LRRC69: variants seen among roughly 807,000 people sequenced by gnomAD.
The protein encoded by LRRC69 is leucine-rich repeat-containing protein 69.
LRRC69 carries 42 observed loss-of-function variants against 37.8 expected under a neutral mutation model. The observed-to-expected ratio is 1.11, with a 90% confidence interval of 0.87 to 1.44. The LOEUF is 1.44. Among genes scored for constraint, LRRC69 ranks in the 40% most tolerant of loss-of-function variants. The probability of loss-of-function intolerance (pLI) is 0.00; values close to 1 mark genes in which losing one functional copy is unlikely to be tolerated. For missense variants in LRRC69, 357 were observed against 401.9 expected (o/e 0.89, Z 0.96); for synonymous variants, 141 against 143.1 (o/e 0.99, Z 0.11).
chr8:91,127,669 ATGCCTTTCTGGAGCCAGC>A (rs1200461695), intron 3 of LRRC69, among the ~76,000 whole-genome samples: 1 of 149,186 alleles, frequency 6.7e-6, no homozygotes, highest in Admixed American at 6.7e-5. Flanking sequence ...CACAGGCAGA[ATGCCTTTCTGGAGCCAGC>A]TGAGAGCCTT....
At chr8:91,194,785 A>C (rs560092050) in intron 6 of LRRC69, among the ~76,000 whole-genome samples, 4 of 152,062 alleles carry the variant, frequency 2.6e-5, no homozygotes, top group Admixed American at 2.6e-4. Flanking sequence ...TGATCCTTTC[A>C]AAAAACCAGC....
chr8:91,166,115 T>G (rs754983184), intron 5 of LRRC69, among the ~76,000 whole-genome samples: 44 of 151,960 alleles, frequency 2.9e-4, no homozygotes, highest in Middle Eastern at 3.4e-3. Flanking sequence ...TAATTGAACT[T>G]GAACTTTAAT....
At chr8:91,203,794 G>A (rs1295634585) in intron 7 of LRRC69, among the ~76,000 whole-genome samples, 1 of 151,990 alleles carries the variant, frequency 6.6e-6, no homozygotes, top group Non-Finnish European at 1.5e-5. Flanking sequence ...ATCAGAGTCT[G>A]TAGCAGTAGG....
chr8:91,199,822 A>T (rs1809682901), intron 6 of LRRC69, among the ~76,000 whole-genome samples: 1 of 152,200 alleles, frequency 6.6e-6, no homozygotes, highest in African/African-American at 2.4e-5. Flanking sequence ...TGAAGATTTA[A>T]TTTTATGCAT....
chr8:91,169,495 T>A (rs1027707936), intron 5 of LRRC69, among the ~76,000 whole-genome samples: 1 of 151,244 alleles, frequency 6.6e-6, no homozygotes, highest in Non-Finnish European at 1.5e-5. Flanking sequence ...CAAAGGAGCA[T>A]GAGTACATGT....
At chr8:91,205,868 A>C (rs1809795166) in intron 7 of LRRC69, among the ~76,000 whole-genome samples, 1 of 152,214 alleles carries the variant, frequency 6.6e-6, no homozygotes, top group Admixed American at 6.5e-5. Flanking sequence ...TCTATGAATA[A>C]GAAACAGTGA....
intron 1 of LRRC69, among the ~76,000 whole-genome samples, chr8:91,109,147 C>T (rs752052430): frequency 8.8e-6 from 1 of 113,366 alleles, no homozygotes; most frequent in Non-Finnish European, 2.1e-5. Context: ...GCACATAGTA[C>T]CTTCTCTCCA....
intron 1 of LRRC69, among the ~76,000 whole-genome samples, chr8:91,107,484 A>T (rs1387577216): frequency 6.6e-6 from 1 of 151,956 alleles, no homozygotes; most frequent in Non-Finnish European, 1.5e-5. Flanking sequence ...TCTTGCATCT[A>T]TGCTGTTCCC....
intron 5 of LRRC69, among the ~76,000 whole-genome samples, chr8:91,164,869 A>G (rs1258363895): frequency 1.3e-5 from 2 of 151,626 alleles, no homozygotes; most frequent in East Asian, 1.9e-4. Context: ...ATTATCATGT[A>G]TTGTTCTTGA....
At chr8:91,119,763 A>T (rs1813584094) in intron 1 of LRRC69, among the ~76,000 whole-genome samples, 1 of 151,956 alleles carries the variant, frequency 6.6e-6, no homozygotes, top group Non-Finnish European at 1.5e-5. Context: ...GAAAACAGAC[A>T]TCATCCTTCA....
intron 1 of LRRC69, among the ~76,000 whole-genome samples, chr8:91,117,533 T>C (rs1813530984): frequency 6.6e-6 from 1 of 151,274 alleles, no homozygotes; most frequent in Admixed American, 6.6e-5. Flanking sequence ...TGGAGTTATC[T>C]TAGAAGCCGA....
intron 5 of LRRC69, among the ~76,000 whole-genome samples, chr8:91,172,191 C>A (rs1346128794): frequency 6.6e-6 from 1 of 151,970 alleles, no homozygotes; most frequent in Non-Finnish European, 1.5e-5. Flanking sequence ...CTTCACACTT[C>A]TTACCACAAT....
At chr8:91,156,568 T>C (rs1236837530) in intron 5 of LRRC69, among the ~76,000 whole-genome samples, 1 of 151,056 alleles carries the variant, frequency 6.6e-6, no homozygotes, top group African/African-American at 2.4e-5. Context: ...GCAGAAACTT[T>C]TAAGTTTGAT....
intron 7 of LRRC69, among the ~76,000 whole-genome samples, 183 bp from the exon 8 acceptor site, chr8:91,218,707 A>G (rs762383450): frequency 1.8e-4 from 28 of 152,164 alleles, no homozygotes; most frequent in Non-Finnish European, 3.2e-4. Context: ...GCATTTGAGT[A>G]TGATTTTCTT....
At chr8:91,140,091 C>CAAAAAA (rs560827789) in intron 5 of LRRC69, among the ~76,000 whole-genome samples, 1 of 115,038 alleles carries the variant, frequency 8.7e-6, no homozygotes, top group Non-Finnish European at 1.8e-5. Flanking sequence ...AACTCCGTCT[C>CAAAAAA]AAAAAAAAAA....
chr8:91,171,979 C>T (rs1028090028), intron 5 of LRRC69, among the ~76,000 whole-genome samples: 2 of 151,354 alleles, frequency 1.3e-5, no homozygotes, highest in African/African-American at 4.9e-5. Context: ...AATATTCAGA[C>T]ATGTTAATGT....
intron 5 of LRRC69, among the ~76,000 whole-genome samples, chr8:91,147,653 C>T (rs1370258769): frequency 5.3e-5 from 8 of 151,716 alleles, no homozygotes; most frequent in Non-Finnish European, 1.0e-4. Flanking sequence ...TTCTTAATGA[C>T]ACATTTTAAA....
chr8:91,146,416 G>T (rs71528773), intron 5 of LRRC69, among the ~76,000 whole-genome samples: 7,971 of 151,748 alleles, frequency 0.053, 296 homozygotes, highest in Middle Eastern at 0.16. Context: ...CAAAATCAGG[G>T]CCAATATTTT....
chr8:91,162,209 G>T (rs1319331603), intron 5 of LRRC69, among the ~76,000 whole-genome samples: 1 of 151,492 alleles, frequency 6.6e-6, no homozygotes, highest in Non-Finnish European at 1.5e-5. Context: ...GTGCTGGAAA[G>T]AAGAATGTGT....
Sources: gnomAD v4.1 joint callset for allele counts (sites outside exome capture counted in the v4.1 genomes callset) on GRCh38, gnomAD v4.1.1 for gene constraint, MANE v1.5 for transcripts, NCBI Gene and HGNC (gene_info 2026-07-23, HGNC 2026-07-21) for gene names.